Variants in WWOX observed in about 807,000 individuals in gnomAD.
The protein encoded by WWOX is WW domain-containing oxidoreductase.
In WWOX, 69 loss-of-function variants were observed where a neutral mutation model predicts 46.2. The observed-to-expected ratio is 1.49, with a 90% CI of 1.23 to 1.82. The LOEUF is 1.82. Ranked by LOEUF, WWOX falls within the 40% of genes most tolerant of loss-of-function variation. The pLI is 0.00. For missense variants in WWOX, 919 were observed against 542.6 expected (o/e 1.69, Z -6.89); for synonymous variants, 359 against 202.6 (o/e 1.77, Z -6.56).
intron 5 of WWOX, among the ~76,000 whole-genome samples, chr16:78,356,898 A>G (rs899659043): frequency 3.3e-5 from 5 of 152,166 alleles, no homozygotes; most frequent in African/African-American, 1.2e-4. Flanking sequence ...CAAACAAAAA[A>G]AAGTTCCAAT....
chr16:78,775,784 G>A (rs2050175552), intron 8 of WWOX, among the ~76,000 whole-genome samples: 4 of 152,182 alleles, frequency 2.6e-5, no homozygotes, highest in Admixed American at 2.6e-4. Context: ...TTTAGCCAAT[G>A]GAGCAGTGGC....
intron 8 of WWOX, among the ~76,000 whole-genome samples, chr16:78,887,344 C>T (rs1167057981): frequency 6.6e-6 from 1 of 151,780 alleles, no homozygotes; most frequent in African/African-American, 2.4e-5. Flanking sequence ...CTTTTCTTTC[C>T]CCTCTCTCCC....
intron 8 of WWOX, among the ~76,000 whole-genome samples, chr16:78,710,516 T>C (rs1167065578): frequency 2.1e-5 from 2 of 93,622 alleles, no homozygotes; most frequent in Non-Finnish European, 4.6e-5. Context: ...AAATATATTT[T>C]ATATTTAAAA....
chr16:78,914,610 C>G (rs564722587), intron 8 of WWOX, among the ~76,000 whole-genome samples: 1 of 151,834 alleles, frequency 6.6e-6, no homozygotes, highest in Non-Finnish European at 1.5e-5. Context: ...CCGGGAGCAG[C>G]GGCTCACACC....
chr16:78,359,617 A>G (rs1409454293), intron 5 of WWOX, among the ~76,000 whole-genome samples: 1 of 152,246 alleles, frequency 6.6e-6, no homozygotes, highest in African/African-American at 2.4e-5. Flanking sequence ...TAAAAAATAC[A>G]TTTAACATAC....
In WWOX at chr16:78,347,380, T is replaced by C. The variant is rs1393927049; in HGVS notation, c.517-39480T>C. Among the ~76,000 whole-genome samples, 12 of 118,290 alleles carry C rather than the reference T, an allele frequency of 1.0e-4. 2 individuals carry two copies. The highest frequency in any genetic ancestry group is 3.2e-4 in the African/African-American group (11 of 34,750). The allele number at this position is 118,290 out of a possible 152,430, so 77.6% of individuals were successfully genotyped here. On this transcript the variant is annotated intron_variant, in intron 5 of 8. Transcript: ENST00000566780. Reference sequence around the variant, plus strand: ...ATCCATATGTCTAGTTCCAAGTATCTGTCCATGGTGTTGGTCCCAGGTTAT... The same window carrying C: ...ATCCATATGTCTAGTTCCAAGTATCCGTCCATGGTGTTGGTCCCAGGTTAT...
intron 8 of WWOX, among the ~76,000 whole-genome samples, chr16:79,184,623 C>T (rs768564507): frequency 1.3e-5 from 2 of 152,226 alleles, no homozygotes; most frequent in African/African-American, 4.8e-5. Context: ...CCTGCCTCTC[C>T]TGAGGGTCAA....
chr16:78,772,199 C>T (rs749552335), intron 8 of WWOX, among the ~76,000 whole-genome samples: 2 of 152,216 alleles, frequency 1.3e-5, no homozygotes, highest in Admixed American at 6.5e-5. Context: ...CTCTCTCCCT[C>T]TACCCTCAGG....
intron 5 of WWOX, among the ~76,000 whole-genome samples, chr16:78,231,788 C>A (rs2037273642): frequency 6.6e-6 from 1 of 152,082 alleles, no homozygotes; most frequent in African/African-American, 2.4e-5. Context: ...CGGGTCCCAT[C>A]TTGATTTCAA....
intron 8 of WWOX, among the ~76,000 whole-genome samples, chr16:78,742,407 G>A (rs1391794798): frequency 1.3e-5 from 2 of 152,164 alleles, no homozygotes; most frequent in African/African-American, 4.8e-5. Context: ...CCTGGCTTCT[G>A]TGTCTTCATG....
At chr16:78,333,624 T>C (rs1278738435) in intron 5 of WWOX, among the ~76,000 whole-genome samples, 1 of 152,182 alleles carries the variant, frequency 6.6e-6, no homozygotes, top group Non-Finnish European at 1.5e-5. Flanking sequence ...TTGATGTTAA[T>C]TGAGATATAG....
At chr16:78,382,931 C>A (rs1227264987) in intron 5 of WWOX, among the ~76,000 whole-genome samples, 1 of 151,774 alleles carries the variant, frequency 6.6e-6, no homozygotes, top group African/African-American at 2.4e-5. Context: ...GTTCTGTGTT[C>A]ATGTTCTGCT....
chr16:78,849,896 A>G (rs544776194), intron 8 of WWOX, among the ~76,000 whole-genome samples: 2 of 152,028 alleles, frequency 1.3e-5, no homozygotes, highest in African/African-American at 2.4e-5. Context: ...AACATGCAGA[A>G]ACCCTGTCTC....
chr16:79,166,225 G>C (rs1017206555), intron 8 of WWOX, among the ~76,000 whole-genome samples: 2 of 152,166 alleles, frequency 1.3e-5, no homozygotes, highest in Non-Finnish European at 2.9e-5. Context: ...TGGAGGCAGA[G>C]CACTGAGTTG....
chr16:78,623,258 A>C (rs1447584886), intron 8 of WWOX, among the ~76,000 whole-genome samples: 2 of 152,220 alleles, frequency 1.3e-5, no homozygotes, highest in African/African-American at 4.8e-5. Flanking sequence ...AGATGGCAAC[A>C]GAAAATGTGT....
chr16:78,148,185 C>T (rs1244040991), intron 4 of WWOX, among the ~76,000 whole-genome samples: 4 of 152,090 alleles, frequency 2.6e-5, no homozygotes, highest in East Asian at 3.9e-4. Context: ...TAAAAAAGGC[C>T]AAACTTCAGG....
At chr16:78,541,015 T>A (rs1029728933) in intron 8 of WWOX, among the ~76,000 whole-genome samples, 1 of 152,124 alleles carries the variant, frequency 6.6e-6, no homozygotes, top group Non-Finnish European at 1.5e-5. Context: ...CATTGTCAGC[T>A]GAGTTGGGGA....
chr16:78,164,117 G>T (rs376119953), intron 4 of WWOX, 66 bp from the exon 5 acceptor site: 2 of 1,425,010 alleles, frequency 1.4e-6, no homozygotes, highest in African/African-American at 2.8e-5. Flanking sequence ...TCCGGTAAAG[G>T]CCATTCAACA....
At chr16:79,132,166 A>C (rs13331157) in intron 8 of WWOX, among the ~76,000 whole-genome samples, 196 of 141,856 alleles carry the variant, frequency 1.4e-3, no homozygotes, top group African/African-American at 4.6e-3. Flanking sequence ...ACACACACAC[A>C]CCCCTTCCTA....
Sources: allele counts gnomAD v4.1 joint callset (sites outside exome capture counted in the v4.1 genomes callset), GRCh38; gene constraint gnomAD v4.1.1; transcripts MANE v1.5; gene names NCBI Gene and HGNC (gene_info 2026-07-23, HGNC 2026-07-21).